Variants in ABTB2 observed in about 807,000 individuals in gnomAD.
The protein encoded by ABTB2 is ankyrin repeat and BTB domain containing 2.
A neutral mutation model predicts 104.1 loss-of-function variants in ABTB2; 56 were observed. The ratio of observed to expected loss-of-function variants is 0.54; its 90% CI spans 0.43 to 0.67. The LOEUF (loss-of-function observed/expected upper bound fraction) is 0.67. ABTB2 is among the 30% of genes least tolerant of loss of function. ABTB2 has a pLI of 0.00. For missense variants in ABTB2, 1,279 were observed against 1,407.7 expected, an observed-to-expected ratio of 0.91 and a Z score of 1.46; for synonymous variants, 606 against 608.2, an observed-to-expected ratio of 1.00 and a Z score of 0.05.
chr11:34,212,753 C>T lies in ABTB2; in HGVS notation c.884-8063G>A, dbSNP rs147082292. On this transcript the variant is annotated intron_variant, in intron 1 of 16. Coordinates refer to ENST00000435224, the MANE Select transcript of ABTB2 (RefSeq NM_145804.3). Reference sequence around the variant, plus strand: ...AGGTCAGGAAATTAAAAGCAAATAACAATTATCCTCCACTTAACACTTCAT... The same window carrying T: ...AGGTCAGGAAATTAAAAGCAAATAATAATTATCCTCCACTTAACACTTCAT... 7.4e-3 allele frequency among the ~76,000 whole-genome samples: 1,130 copies of T among 152,316 alleles called. 18 individuals are homozygous for T. Among genetic ancestry groups the T allele is most frequent in the Admixed American group, 0.037 (559 of 15,288 alleles).
chr11:34,211,180 C>T (rs1258442793), intron 1 of ABTB2, among the ~76,000 whole-genome samples: 1 of 152,192 alleles, frequency 6.6e-6, no homozygotes, highest in Admixed American at 6.5e-5. Flanking sequence ...GGGATTACAG[C>T]TCACTACAGC....
In ABTB2 at chr11:34,161,015, G is replaced by A; in HGVS notation, c.2285C>T (p.Ser762Leu). The A allele has an allele frequency of 5.0e-6, 8 of 1,613,562 alleles. No individual in the cohort carries two copies. Among genetic ancestry groups the A allele is most frequent in the Non-Finnish European group, 5.9e-6 (7 of 1,179,830 alleles). ...LRTSFSQSRY[S>L]VVQSLLRDFS... ...GTCCCGCAGGAGGCTCTGCACCACC[G>A]AGTACCGCGACTGCGAGAACGAGGT... Residue 762 changes from serine (S) to leucine (L), a missense_variant, in exon 11 of 17, where the codon TCG (serine) becomes TTG (leucine). Ser to Leu is a moderately radical substitution (Grantham distance 145). Coordinates refer to ENST00000435224, the MANE Select transcript of ABTB2 (RefSeq NM_145804.3).
At position 34,165,364 on chromosome 11, in the gene ABTB2, G is replaced by A; in HGVS notation, c.1756-8C>T. The A allele has an allele frequency of 6.3e-7, 1 of 1,581,354 alleles. No homozygotes were observed. The highest frequency in any genetic ancestry group is 1.2e-5 in the South Asian group (1 of 86,436). On this transcript the variant is annotated splice_polypyrimidine_tract_variant and splice_region_variant and intron_variant, in intron 7 of 16. Transcript: ENST00000435224. ...ACCAGCATCCAGCAGCAACTGCCAGGGGCACAGAGGAGGAGGGCACTGCTC... is the reference window on the plus strand; with the variant it reads ...ACCAGCATCCAGCAGCAACTGCCAGAGGCACAGAGGAGGAGGGCACTGCTC...
At chr11:34,351,028 A>G (rs1360236697) in intron 1 of ABTB2, among the ~76,000 whole-genome samples, 3 of 152,174 alleles carry the variant, frequency 2.0e-5, no homozygotes, top group Non-Finnish European at 2.9e-5. Context: ...ACAGCTGCAT[A>G]AGAGTAGAAA....
chr11:34,262,744 C>A lies in ABTB2; in HGVS notation c.884-58054G>T, dbSNP rs145858889. On this transcript the variant is annotated intron_variant, in intron 1 of 16. Transcript: ENST00000435224. ...TATTAACAGTGACAATAATGCAATA[C>A]TGTTTTCTCAAGGGCTTCCACCAGA... Among the ~76,000 whole-genome samples the A allele has an allele frequency of 5.3e-3, 812 of 152,282 alleles. 5 individuals are homozygous for A. Among genetic ancestry groups the A allele is most frequent in the Non-Finnish European group, 7.8e-3 (529 of 68,028 alleles).
chr11:34,189,986 T>G (rs1853150700), intron 3 of ABTB2, among the ~76,000 whole-genome samples: 1 of 152,200 alleles, frequency 6.6e-6, no homozygotes, highest in Non-Finnish European at 1.5e-5. Flanking sequence ...ATGCCTGTAA[T>G]CTCAGCACTT....
At chr11:34,310,584 C>T (rs1405140213) in intron 1 of ABTB2, among the ~76,000 whole-genome samples, 1 of 152,114 alleles carries the variant, frequency 6.6e-6, no homozygotes, top group East Asian at 1.9e-4. Context: ...ACCTCCGCTG[C>T]ATCCCTCCAG....
chr11:34,196,085 C>T (rs1215519142), intron 3 of ABTB2, among the ~76,000 whole-genome samples: 1 of 152,158 alleles, frequency 6.6e-6, no homozygotes, highest in Non-Finnish European at 1.5e-5. Flanking sequence ...TTCCTGGACC[C>T]TCAAACCCAC....
intron 3 of ABTB2, among the ~76,000 whole-genome samples, chr11:34,185,553 C>T (rs1334804571): frequency 8.7e-6 from 1 of 115,408 alleles, no homozygotes; most frequent in Non-Finnish European, 1.9e-5. Flanking sequence ...TATTAGTCTG[C>T]ATTTTTACAA....
intron 1 of ABTB2, among the ~76,000 whole-genome samples, chr11:34,291,229 T>G (rs1854562597): frequency 2.6e-5 from 4 of 152,276 alleles, no homozygotes; most frequent in Admixed American, 2.6e-4. Flanking sequence ...TCTCTTTTTC[T>G]AATTGGATCA....
At chr11:34,321,007 A>T (rs572206848) in intron 1 of ABTB2, among the ~76,000 whole-genome samples, 2 of 152,198 alleles carry the variant, frequency 1.3e-5, no homozygotes, top group Admixed American at 1.3e-4. Context: ...ACATGGAGAA[A>T]CCCTGTCTCT....
rs1296620763 is a variant in ABTB2, at chr11:34,252,657, G to C, written c.884-47967C>G. Among the ~76,000 whole-genome samples, 1 of 152,132 alleles carries C rather than the reference G, an allele frequency of 6.6e-6. No homozygotes were observed. Among genetic ancestry groups the C allele is most frequent in the East Asian group, 1.9e-4 (1 of 5,194 alleles). On this transcript the variant is annotated intron_variant, in intron 1 of 16. Coordinates refer to ENST00000435224, the MANE Select transcript of ABTB2 (RefSeq NM_145804.3). The surrounding 1 kb of genome is among the most constrained non-coding windows in gnomAD (Gnocchi z 5.5). ...CCTGGTCCTGGTCCAGCACCTTCCT[G>C]AGGCTTAGAAGCTCTCCTGCCCTGG...
chr11:34,184,921 C>T (rs953456144), intron 3 of ABTB2, among the ~76,000 whole-genome samples: 5 of 152,232 alleles, frequency 3.3e-5, no homozygotes, highest in Non-Finnish European at 7.3e-5. Context: ...CAGGCGGGGA[C>T]CTCCAACCTG....
chr11:34,295,541 A>G (rs1013908245), intron 1 of ABTB2, among the ~76,000 whole-genome samples: 13 of 152,222 alleles, frequency 8.5e-5, no homozygotes, highest in African/African-American at 2.4e-4. Flanking sequence ...GAGGTGTGGG[A>G]AAATAGAGTG....
intron 1 of ABTB2, among the ~76,000 whole-genome samples, chr11:34,345,941 T>C (rs1027625301): frequency 3.9e-5 from 6 of 152,162 alleles, no homozygotes; most frequent in Admixed American, 3.3e-4. Context: ...GATGGGCCGG[T>C]TGGGGAAGAG....
rs888239206 is a variant in ABTB2 at position 34,156,876 on chromosome 11, G to A, written c.2698-2107C>T. Among the ~76,000 whole-genome samples the A allele has an allele frequency of 3.3e-5, 5 of 152,124 alleles. No homozygotes were observed. The South Asian group carries it at 8.3e-4, about 25-fold the overall frequency. On this transcript the variant is annotated intron_variant, in intron 14 of 16. Coordinates refer to ENST00000435224, the MANE Select transcript of ABTB2 (RefSeq NM_145804.3). ...GTTGAAATAATATTTTGGCTATACT[G>A]TAAGTTCAAAAATATTAAAATCAAT...
intron 1 of ABTB2, among the ~76,000 whole-genome samples, chr11:34,264,252 T>C (rs1854221520): frequency 6.6e-6 from 1 of 152,168 alleles, no homozygotes; most frequent in South Asian, 2.1e-4. Context: ...TCCCTAGCTC[T>C]CTCGGCCTCA....
intron 1 of ABTB2, among the ~76,000 whole-genome samples, chr11:34,266,414 T>C (rs1195664132): frequency 6.6e-6 from 1 of 152,190 alleles, no homozygotes; most frequent in African/African-American, 2.4e-5. Flanking sequence ...AGAAGTCACA[T>C]CCCTGGCCTG....
In ABTB2 at chr11:34,152,260, G is replaced by C; in HGVS notation, c.*127C>G. The C allele has an allele frequency of 9.7e-7, 1 of 1,033,880 alleles. No individual in the cohort carries two copies. Among genetic ancestry groups the C allele is most frequent in the Non-Finnish European group, 1.4e-6 (1 of 722,136 alleles). 64.0% of individuals were successfully genotyped at this position (1,033,880 alleles called of 1,614,324 possible). A position where few individuals can be genotyped will look rare whatever the true frequency, so the allele number is the denominator to read the frequency against. ...GGGTGAGCTGCCCGGTGACAGGGGGGACATCTGGGGGAGGAGGAGGAAACA... is the reference window on the plus strand; with the variant it reads ...GGGTGAGCTGCCCGGTGACAGGGGGCACATCTGGGGGAGGAGGAGGAAACA... On this transcript the variant is annotated 3_prime_UTR_variant, in exon 17 of 17. Coordinates refer to ENST00000435224, the MANE Select transcript of ABTB2 (RefSeq NM_145804.3).
Sources: allele counts gnomAD v4.1 joint callset (sites outside exome capture counted in the v4.1 genomes callset), GRCh38; gene constraint gnomAD v4.1.1; non-coding constraint Gnocchi (gnomAD v3.1); transcripts MANE v1.5; gene names NCBI Gene and HGNC (gene_info 2026-07-23, HGNC 2026-07-21).